Variants in WDR27 observed in about 807,000 individuals in gnomAD.
The protein encoded by WDR27 is WD repeat-containing protein 27.
Under a neutral mutation model 114.4 loss-of-function variants are expected in WDR27, and 100 were observed. The ratio of observed to expected loss-of-function variants is 0.87; its 90% CI spans 0.74 to 1.03. The LOEUF (loss-of-function observed/expected upper bound fraction) is 1.03, where lower values mean the gene tolerates loss of function less well. WDR27 is among the 50% of genes least tolerant of loss of function. WDR27 has a pLI of 0.00. For missense variants in WDR27, 1,129 were observed against 1,092.9 expected, an observed-to-expected ratio of 1.03 and a Z score of -0.47; for synonymous variants, 449 against 423.1, an observed-to-expected ratio of 1.06 and a Z score of -0.75.
At chr6:169,521,611 C>G (rs930349371) in intron 25 of WDR27, among the ~76,000 whole-genome samples, 3 of 151,936 alleles carry the variant, frequency 2.0e-5, no homozygotes, top group African/African-American at 7.2e-5. Flanking sequence ...TTTTAAGAAA[C>G]AGGTAACGTA....
At position 169,612,572 on chromosome 6, in the gene WDR27, G is replaced by A. The variant is rs1483646500; in HGVS notation, c.2321+987C>T. ...TGGTGGGGCAGGGAGGTTGCAGTGA[G>A]CTGAGATCATGTAACACTGCACTCC... On this transcript the variant is annotated intron_variant, in intron 22 of 25. Coordinates refer to ENST00000448612, the MANE Select transcript of WDR27 (RefSeq NM_182552.5). 2.1e-5 allele frequency among the ~76,000 whole-genome samples: 3 copies of A among 142,678 alleles called. No individual in the cohort carries two copies. In the East Asian group the frequency reaches 6.5e-4, roughly 31 times the overall value. 93.6% of individuals were successfully genotyped at this position (142,678 alleles called of 152,430 possible). A position where few individuals can be genotyped will look rare whatever the true frequency, so the allele number is the denominator to read the frequency against.
the WDR27 span, among the ~76,000 whole-genome samples, chr6:169,428,424 T>C: frequency 6.6e-6 from 1 of 152,250 alleles, no homozygotes. Context: ...AAATTTGTTA[T>C]GTATTCATTA....
At chr6:169,580,856 G>A (rs1323400676) in intron 24 of WDR27, among the ~76,000 whole-genome samples, 1 of 149,044 alleles carries the variant, frequency 6.7e-6, no homozygotes, top group African/African-American at 2.5e-5. Flanking sequence ...AGTAAAGAAA[G>A]GAAATTTTTA....
chr6:169,523,941 G>C (rs758323409), intron 25 of WDR27, among the ~76,000 whole-genome samples: 23 of 152,092 alleles, frequency 1.5e-4, no homozygotes, highest in Admixed American at 6.5e-5. Context: ...GCCCTGGCCA[G>C]AGCAATTAGG....
chr6:169,604,785 G>A (rs1808766077), intron 22 of WDR27, among the ~76,000 whole-genome samples: 1 of 152,032 alleles, frequency 6.6e-6, no homozygotes, highest in African/African-American at 2.4e-5. Context: ...TGCCAGGATG[G>A]TTCAACATAC....
At chr6:169,616,271 C>T (rs1419929191) in intron 21 of WDR27, among the ~76,000 whole-genome samples, 17 of 152,110 alleles carry the variant, frequency 1.1e-4, no homozygotes, top group East Asian at 3.9e-4. Flanking sequence ...GGGCGGATCA[C>T]GAGGTCAAGA....
At chr6:169,429,664 C>A in the WDR27 span, among the ~76,000 whole-genome samples, 1 of 152,172 alleles carries the variant, frequency 6.6e-6, no homozygotes, top group East Asian at 1.9e-4. Flanking sequence ...CTAAACCCAG[C>A]ACACATGGGA....
At chr6:169,484,203 G>T (rs568758203) in intron 25 of WDR27, among the ~76,000 whole-genome samples, 6 of 152,222 alleles carry the variant, frequency 3.9e-5, no homozygotes, top group Non-Finnish European at 7.4e-5. Context: ...AGAAATAAAA[G>T]CCATCTAAAT....
chr6:169,449,509 G>A, the WDR27 span, among the ~76,000 whole-genome samples: 1 of 152,070 alleles, frequency 6.6e-6, no homozygotes, highest in Non-Finnish European at 1.5e-5. Flanking sequence ...GCAAGCAGAG[G>A]GCCTTAGCAT....
chr6:169,489,402 A>G (rs1009682045), intron 25 of WDR27, among the ~76,000 whole-genome samples: 33 of 152,248 alleles, frequency 2.2e-4, no homozygotes, highest in African/African-American at 7.2e-4. Context: ...GGAAGGGCAC[A>G]TGACCGTCTC....
Position 169,592,858 on chromosome 6 carries a change from C to T in WDR27, c.2424+9361G>A, listed in dbSNP as rs79690995. ...AGGCATTCATGGATTCCTCTTTTAC[C>T]GGGTGTTTTAGCAGAAATGAATCCA... On this transcript the variant is annotated intron_variant, in intron 23 of 25. Transcript: ENST00000448612. Among the ~76,000 whole-genome samples, 15 of 152,182 alleles carry T rather than the reference C, an allele frequency of 9.9e-5. No homozygotes were observed. In the East Asian group the frequency reaches 1.9e-3, roughly 20 times the overall value.
At chr6:169,667,080 G>A in intron 6 of WDR27, 56 bp downstream of exon 6, 1 of 1,452,844 alleles carries the variant, frequency 6.9e-7, no homozygotes, top group Non-Finnish European at 9.0e-7. Context: ...ATATGCTCTA[G>A]AAAAAGTGGG....
chr6:169,577,160 C>T (rs1252482478), intron 24 of WDR27, among the ~76,000 whole-genome samples: 1 of 151,968 alleles, frequency 6.6e-6, no homozygotes, highest in African/African-American at 2.4e-5. Flanking sequence ...CCTGCGCCCA[C>T]GGAAAGACGC....
At chr6:169,698,925 T>G (rs759441182) in intron 1 of WDR27, among the ~76,000 whole-genome samples, 1 of 152,202 alleles carries the variant, frequency 6.6e-6, no homozygotes, top group Non-Finnish European at 1.5e-5. Context: ...CTACCTTGAC[T>G]GATGTGGGTA....
chr6:169,495,091 T>C (rs1790228950), intron 25 of WDR27, among the ~76,000 whole-genome samples: 1 of 152,054 alleles, frequency 6.6e-6, no homozygotes, highest in Middle Eastern at 3.2e-3. Context: ...AATATAAACA[T>C]ACATAAATTA....
At chr6:169,700,411 T>C (rs1035402557) in intron 1 of WDR27, among the ~76,000 whole-genome samples, 1 of 152,228 alleles carries the variant, frequency 6.6e-6, no homozygotes, top group Non-Finnish European at 1.5e-5. Flanking sequence ...CCTTTTCCAC[T>C]AAGCCACTTC....
intron 21 of WDR27, among the ~76,000 whole-genome samples, chr6:169,628,564 C>T (rs73239092): frequency 0.038 from 5,795 of 152,210 alleles, 385 homozygotes; most frequent in African/African-American, 0.13. Flanking sequence ...TTAAACTCCT[C>T]GTAAAACCAA....
intron 25 of WDR27, among the ~76,000 whole-genome samples, chr6:169,528,716 G>A (rs561591077): frequency 7.3e-4 from 111 of 152,216 alleles, no homozygotes; most frequent in South Asian, 2.7e-3. Flanking sequence ...TAGTAGAGAC[G>A]GGGTTTCACC....
the WDR27 span, among the ~76,000 whole-genome samples, chr6:169,444,697 T>C: frequency 6.6e-6 from 1 of 152,070 alleles, no homozygotes; most frequent in African/African-American, 2.4e-5. Context: ...TTTTGTTGTT[T>C]TGCAACGGTT....
Sources: gnomAD v4.1 joint callset for allele counts (sites outside exome capture counted in the v4.1 genomes callset) on GRCh38, gnomAD v4.1.1 for gene constraint, MANE v1.5 for transcripts, NCBI Gene and HGNC (gene_info 2026-07-23, HGNC 2026-07-21) for gene names.